Variants in CEP68 observed in about 807,000 individuals in gnomAD.
CEP68 encodes the protein centrosomal protein 68, also known as centrosomal protein of 68 kDa.
Under a neutral mutation model 55.3 loss-of-function variants are expected in CEP68, and 26 were observed. That is an observed-to-expected ratio of 0.47 (90% CI 0.34 to 0.65). CEP68 has a LOEUF of 0.65. CEP68 is among the 30% of genes least tolerant of loss of function. The pLI, the probability that CEP68 is intolerant of heterozygous loss-of-function variation, is 0.01. For synonymous variants in CEP68, 402 were observed against 383.2 expected, an observed-to-expected ratio of 1.05 and a Z score of -0.57; for missense variants, 957 against 946.7, an observed-to-expected ratio of 1.01 and a Z score of -0.14.
chr2:65,058,563 A>G lies in CEP68; in HGVS notation c.-47+2035A>G, dbSNP rs145223999. On this transcript the variant is annotated intron_variant, in intron 1 of 6. Coordinates refer to ENST00000377990, the MANE Select transcript of CEP68 (RefSeq NM_015147.3). Reference sequence around the variant, plus strand: ...CTCTTCTTGGCCAGGCTGGAGTGCAATGGCACAGTCTCAGCTCACTGCAAC... The same window carrying G: ...CTCTTCTTGGCCAGGCTGGAGTGCAGTGGCACAGTCTCAGCTCACTGCAAC... Among the ~76,000 whole-genome samples the G allele has an allele frequency of 4.0e-3, 523 of 131,828 alleles. 3 individuals are homozygous for G. Among genetic ancestry groups the G allele is most frequent in the African/African-American group, 0.015 (495 of 33,692 alleles). The allele number at this position is 131,828 out of a possible 152,430, so 86.5% of individuals were successfully genotyped here. A position where few individuals can be genotyped will look rare whatever the true frequency, so the allele number is the denominator to read the frequency against.
intron 1 of CEP68, among the ~76,000 whole-genome samples, chr2:65,057,601 G>T (rs1036671750): frequency 6.6e-6 from 1 of 152,094 alleles, no homozygotes; most frequent in Non-Finnish European, 1.5e-5. Context: ...ACACTGTATT[G>T]TGGTTTCCCC....
At chr2:65,073,340 G>T in intron 3 of CEP68, 1 of 346,346 alleles carries the variant, frequency 2.9e-6, no homozygotes, top group Non-Finnish European at 5.6e-6. Context: ...GTGCACAGAT[G>T]CCTTTAGGAA....
rs958135264 is a variant in CEP68, at chr2:65,085,095, G to A, written c.*1461G>A. On this transcript the variant is annotated 3_prime_UTR_variant, in exon 7 of 7. Transcript: ENST00000377990. ...TCTCTTAGATGTACATTTATAAGTA[G>A]GAACATGTCCTTCCACTGAGTATGT... 1.3e-5 allele frequency: 2 copies of A among 152,128 alleles called. No individual in the cohort carries two copies. The highest frequency in any genetic ancestry group is 2.9e-5 in the Non-Finnish European group (2 of 68,024). The allele number at this position is 152,128 out of a possible 1,614,324, so 9.4% of individuals were successfully genotyped here. A position where few individuals can be genotyped will look rare whatever the true frequency, so the allele number is the denominator to read the frequency against.
chr2:65,060,477 C>T (rs2103743131), intron 1 of CEP68, among the ~76,000 whole-genome samples: 1 of 152,194 alleles, frequency 6.6e-6, no homozygotes. Context: ...TACCTGTAAT[C>T]CCAGCATTTT....
At chr2:65,058,726 T>A (rs1438297296) in intron 1 of CEP68, among the ~76,000 whole-genome samples, 1 of 151,956 alleles carries the variant, frequency 6.6e-6, no homozygotes, top group Non-Finnish European at 1.5e-5. Flanking sequence ...AGCCTGGTCT[T>A]GAACTCCTGA....
At chr2:65,068,256 A>G (rs1260910265) in intron 1 of CEP68, among the ~76,000 whole-genome samples, 42 of 151,998 alleles carry the variant, frequency 2.8e-4, no homozygotes, top group Admixed American at 2.8e-3. Flanking sequence ...CTCAGCATCA[A>G]CTTTTGCTGG....
Position 65,072,490 on chromosome 2 carries a change from G to A in CEP68, c.1394G>A (p.Cys465Tyr). ...RTSQSARRPT[C>Y]TESRWKSEEE... ...AGCCAGAGTGCCCGGCGCCCTACCT[G>A]CACAGAGTCTAGGTGGAAATCAGAA... The change falls in exon 3 of 7, where the codon TGC (cysteine) becomes TAC (tyrosine). Residue 465 changes from cysteine (C) to tyrosine (Y), a missense_variant. Physicochemically the swap from Cys to Tyr is radical, Grantham distance 194. Coordinates refer to ENST00000377990, the MANE Select transcript of CEP68 (RefSeq NM_015147.3). 6.2e-7 allele frequency: 1 copy of A among 1,614,082 alleles called. No homozygotes were observed. The highest frequency in any genetic ancestry group is 8.5e-7 in the Non-Finnish European group (1 of 1,180,024).
chr2:65,064,823 G>A (rs1285157771), intron 1 of CEP68, among the ~76,000 whole-genome samples: 3 of 151,938 alleles, frequency 2.0e-5, no homozygotes, highest in East Asian at 1.9e-4. Context: ...TCTAGCTCAC[G>A]GGCGCAGCTG....
chr2:65,057,344 G>C (rs1469805838), intron 1 of CEP68, among the ~76,000 whole-genome samples: 1 of 152,132 alleles, frequency 6.6e-6, no homozygotes, highest in African/African-American at 2.4e-5. Context: ...AAGGTTGTTG[G>C]GTCAGTTTGC....
chr2:65,080,422 T>C (rs2103799459), intron 5 of CEP68: 1 of 985,410 alleles, frequency 1.0e-6, no homozygotes, highest in Non-Finnish European at 1.2e-6. Context: ...GCCAGGAGCA[T>C]GCTGTCAAAA....
intron 1 of CEP68, among the ~76,000 whole-genome samples, chr2:65,057,424 C>T (rs1161892182): frequency 2.0e-5 from 3 of 152,200 alleles, no homozygotes; most frequent in Non-Finnish European, 2.9e-5. Flanking sequence ...CTTTCCCACC[C>T]TCTGTTGAGT....
chr2:65,080,048 G>A (rs567924601), intron 5 of CEP68, among the ~76,000 whole-genome samples: 1 of 151,914 alleles, frequency 6.6e-6, no homozygotes, highest in Non-Finnish European at 1.5e-5. Flanking sequence ...CAGGTGAATC[G>A]CTTGAACCCA....
intron 4 of CEP68, chr2:65,074,924 T>C (rs1431857865): frequency 5.1e-6 from 1 of 197,678 alleles, no homozygotes; most frequent in Non-Finnish European, 1.0e-5. Flanking sequence ...AATTAAAGAC[T>C]CAGATTTTTT....
intron 4 of CEP68, among the ~76,000 whole-genome samples, chr2:65,075,876 G>A (rs75489426): frequency 6.6e-6 from 1 of 152,218 alleles, no homozygotes; most frequent in African/African-American, 2.4e-5. Context: ...GGCCAGGGCT[G>A]AGCTGACTGA....
In CEP68 at chr2:65,069,553, A is replaced by G. The variant is rs1457026212; in HGVS notation, c.109A>G (p.Met37Val). ...RERELDIPGP[M>V]SGEQPPRLEA... ...GCGGGAGCTGGACATCCCAGGGCCC[A>G]TGAGTGGGGAGCAGCCCCCACGCCT... The change falls in exon 2 of 7, where the codon ATG becomes GTG. Residue 37 changes from methionine to valine, a missense_variant. By Grantham distance (21) the Met-to-Val change is conservative. Coordinates refer to ENST00000377990, the MANE Select transcript of CEP68 (RefSeq NM_015147.3). The G allele has an allele frequency of 3.7e-6, 6 of 1,610,950 alleles. No individual in the cohort carries two copies. In the Admixed American group the frequency reaches 5.0e-5, roughly 13 times the overall value.
In CEP68 at chr2:65,072,064, T is replaced by G. The variant is rs113616176; in HGVS notation, c.968T>G (p.Val323Gly). 30 of 1,613,972 alleles carry G rather than the reference T, an allele frequency of 1.9e-5. No homozygotes were observed. The highest frequency in any genetic ancestry group is 1.3e-4 in the African/African-American group (10 of 75,004). Reference protein sequence around the residue: ...PQLPKHLDSRVPADPVLQDSG... With the variant: ...PQLPKHLDSRGPADPVLQDSG... ...CTCCCAAAGCACCTTGATAGCCGTG[T>G]GCCAGCTGACCCTGTCCTGCAGGAC... The change falls in exon 3 of 7, where the codon GTG (valine) becomes GGG (glycine). Residue 323 changes from valine to glycine, a missense_variant. Coordinates refer to ENST00000377990, the MANE Select transcript of CEP68 (RefSeq NM_015147.3).
intron 2 of CEP68, 123 bp from the exon 3 acceptor site, chr2:65,071,331 T>G (rs1333265424): frequency 3.9e-6 from 3 of 773,226 alleles, no homozygotes; most frequent in Non-Finnish European, 4.2e-6. Context: ...GCAGCAGACT[T>G]TGCATTTTAA....
intron 5 of CEP68, chr2:65,080,258 G>T (rs1676947599): frequency 1.0e-6 from 1 of 985,292 alleles, no homozygotes; most frequent in African/African-American, 1.7e-5. Context: ...TGGCTTTGGG[G>T]TTTTCTTTGG....
intron 3 of CEP68, chr2:65,073,381 C>T: frequency 3.3e-6 from 1 of 306,766 alleles, no homozygotes; most frequent in Non-Finnish European, 6.3e-6. Flanking sequence ...AAGTGGCTTT[C>T]TTGACTGCAG....
Sources: allele counts gnomAD v4.1 joint callset (sites outside exome capture counted in the v4.1 genomes callset), GRCh38; gene constraint gnomAD v4.1.1; transcripts MANE v1.5; gene names NCBI Gene and HGNC (gene_info 2026-07-23, HGNC 2026-07-21).